The following ARL15 variants were observed in gnomAD, a reference collection of about 807,000 sequenced individuals.
ARL15 encodes ARF like GTPase 15, also known as ADP-ribosylation factor-like protein 15.
ARL15 carries 19 observed loss-of-function variants against 25.2 expected under a neutral mutation model. That is an observed-to-expected ratio of 0.75 (90% confidence interval 0.53 to 1.10). The LOEUF (loss-of-function observed/expected upper bound fraction) is 1.10. Ranked by LOEUF, ARL15 falls within the 50% of genes least tolerant of loss-of-function variation. The probability of loss-of-function intolerance (pLI) is 0.00; values close to 1 mark genes in which losing one functional copy is unlikely to be tolerated. For missense variants in ARL15, 220 were observed against 246.0 expected, an observed-to-expected ratio of 0.89 and a Z score of 0.71; for synonymous variants, 94 against 86.8, an observed-to-expected ratio of 1.08 and a Z score of -0.46.
At chr5:54,220,300 C>T (rs1756334835) in intron 1 of ARL15, among the ~76,000 whole-genome samples, 1 of 152,114 alleles carries the variant, frequency 6.6e-6, no homozygotes, top group Non-Finnish European at 1.5e-5. Context: ...ATTTATTTAT[C>T]TCCACTCCCC....
chr5:53,929,960 T>G (rs907608197), intron 4 of ARL15, among the ~76,000 whole-genome samples: 6 of 152,072 alleles, frequency 3.9e-5, no homozygotes, highest in African/African-American at 1.5e-4. Flanking sequence ...TAGGAGGGGC[T>G]GATCATTTAT....
chr5:53,974,837 A>C (rs977014946), intron 4 of ARL15, among the ~76,000 whole-genome samples: 2 of 152,210 alleles, frequency 1.3e-5, no homozygotes, highest in African/African-American at 2.4e-5. Context: ...ATCATAGGTG[A>C]TGTATCCAAG....
chr5:54,279,341 C>G (rs1270585446), intron 1 of ARL15, among the ~76,000 whole-genome samples: 1 of 151,952 alleles, frequency 6.6e-6, no homozygotes, highest in Non-Finnish European at 1.5e-5. Context: ...TATTTTCTCA[C>G]AGGTCTAGAG....
At chr5:54,053,330 A>C (rs1252073812) in intron 4 of ARL15, among the ~76,000 whole-genome samples, 1 of 152,222 alleles carries the variant, frequency 6.6e-6, no homozygotes, top group Non-Finnish European at 1.5e-5. Flanking sequence ...TAAATCAACA[A>C]ATAAATGGGG....
chr5:54,091,256 C>T (rs1752119446), intron 4 of ARL15, among the ~76,000 whole-genome samples: 1 of 150,582 alleles, frequency 6.6e-6, no homozygotes, highest in East Asian at 1.9e-4. Context: ...CTCCCAAGAC[C>T]AGCCAAACAA....
At chr5:54,073,103 A>T (rs1267814604) in intron 4 of ARL15, among the ~76,000 whole-genome samples, 1 of 152,246 alleles carries the variant, frequency 6.6e-6, no homozygotes, top group Non-Finnish European at 1.5e-5. Flanking sequence ...TTGTTGATAA[A>T]AAAGAACATA....
At chr5:53,969,100 G>A (rs1747657506) in intron 4 of ARL15, among the ~76,000 whole-genome samples, 1 of 152,014 alleles carries the variant, frequency 6.6e-6, no homozygotes, top group Non-Finnish European at 1.5e-5. Flanking sequence ...GCAGTGAGCC[G>A]AGATCGCGCC....
At chr5:54,282,084 T>C (rs748993372) in intron 1 of ARL15, among the ~76,000 whole-genome samples, 1 of 152,232 alleles carries the variant, frequency 6.6e-6, no homozygotes, top group Non-Finnish European at 1.5e-5. Context: ...GCTATATACC[T>C]AGGAGTAGAA....
In ARL15 at chr5:54,112,938, C is replaced by T. The variant is rs1752782503; in HGVS notation, c.462+264G>A. On this transcript the variant is annotated intron_variant, in intron 4 of 4. Coordinates refer to ENST00000504924, the MANE Select transcript of ARL15 (RefSeq NM_019087.3). ...TTAAATAACCAGGCCTTTAGCCCCT[C>T]AAAATAGATGAAAAATATAACCAGA... Among the ~76,000 whole-genome samples the T allele has an allele frequency of 2.0e-5, 3 of 152,268 alleles. No homozygotes were observed. In the South Asian group the frequency reaches 6.2e-4, roughly 32 times the overall value.
chr5:54,041,201 T>C (rs1000762785), intron 4 of ARL15, among the ~76,000 whole-genome samples: 4 of 152,234 alleles, frequency 2.6e-5, no homozygotes, highest in African/African-American at 4.8e-5. Context: ...ATTGAAAATC[T>C]ATTTATAGAG....
intron 4 of ARL15, among the ~76,000 whole-genome samples, chr5:53,920,663 A>AAATG (rs1279131024): frequency 6.7e-6 from 1 of 148,682 alleles, no homozygotes; most frequent in East Asian, 1.9e-4. Context: ...ATAAATAAAT[A>AAATG]AATAAATAAA....
chr5:53,996,526 C>T (rs3776723), intron 4 of ARL15, among the ~76,000 whole-genome samples: 41,066 of 149,524 alleles, frequency 0.27, 5,770 homozygotes, highest in East Asian at 0.46. Flanking sequence ...GGCTGAAGCA[C>T]GAGAATTGCT....
rs75467005 is a variant in ARL15 at position 53,984,011 on chromosome 5, G to A, written c.463-97298C>T. On this transcript the variant is annotated intron_variant, in intron 4 of 4. Coordinates refer to ENST00000504924, the MANE Select transcript of ARL15 (RefSeq NM_019087.3). ...TCACTACAGAGCTCAAGGTCCACCC[G>A]GGCTATGTGCACAAACTTTTCTTCT... is the stretch of plus-strand genomic sequence containing the variant. Among the ~76,000 whole-genome samples, 359 of 152,208 alleles carry A rather than the reference G, an allele frequency of 2.4e-3. 1 individual carries two copies. The highest frequency in any genetic ancestry group is 8.3e-3 in the African/African-American group (345 of 41,540).
chr5:54,168,806 C>T (rs984517229), intron 2 of ARL15, among the ~76,000 whole-genome samples: 4 of 152,160 alleles, frequency 2.6e-5, no homozygotes, highest in South Asian at 2.1e-4. Flanking sequence ...GAAATGATCA[C>T]TCTCCTCTTT....
intron 4 of ARL15, among the ~76,000 whole-genome samples, chr5:54,042,375 C>T (rs907575207): frequency 6.6e-6 from 1 of 152,172 alleles, no homozygotes; most frequent in Non-Finnish European, 1.5e-5. Context: ...GGTAATGTGA[C>T]AGCCTATCTT....
intron 4 of ARL15, among the ~76,000 whole-genome samples, chr5:53,996,446 C>A (rs1314560885): frequency 6.6e-6 from 1 of 152,030 alleles, no homozygotes; most frequent in Non-Finnish European, 1.5e-5. Flanking sequence ...TGGCAAAACT[C>A]CGTCTCCACT....
At chr5:54,043,554 C>T (rs913817501) in intron 4 of ARL15, among the ~76,000 whole-genome samples, 6 of 151,986 alleles carry the variant, frequency 3.9e-5, no homozygotes, top group Admixed American at 3.9e-4. Flanking sequence ...TGGAAATTTC[C>T]TTTAGGAAGT....
At chr5:54,256,152 T>C (rs1757355556) in intron 1 of ARL15, among the ~76,000 whole-genome samples, 1 of 151,252 alleles carries the variant, frequency 6.6e-6, no homozygotes, top group Non-Finnish European at 1.5e-5. Context: ...ACAAAACTGA[T>C]AGACCATTAG....
chr5:53,886,970 G>A (rs1232679653), intron 4 of ARL15, among the ~76,000 whole-genome samples: 2 of 152,154 alleles, frequency 1.3e-5, no homozygotes, highest in African/African-American at 4.8e-5. Flanking sequence ...TAGCAGCGTG[G>A]GAGGTCTGAT....
Sources: gnomAD v4.1 joint callset for allele counts (sites outside exome capture counted in the v4.1 genomes callset) on GRCh38, gnomAD v4.1.1 for gene constraint, MANE v1.5 for transcripts, NCBI Gene and HGNC (gene_info 2026-07-23, HGNC 2026-07-21) for gene names.